Variants in IMMP2L observed in about 807,000 individuals in gnomAD.
IMMP2L encodes the protein mitochondrial inner membrane protease subunit 2.
A neutral mutation model predicts 19.3 loss-of-function variants in IMMP2L; 18 were observed. The observed-to-expected ratio is 0.93, with a 90% confidence interval of 0.64 to 1.38. The LOEUF is 1.38. IMMP2L is among the 40% of genes most tolerant of loss of function. The pLI, the probability that IMMP2L is intolerant of heterozygous loss-of-function variation, is 0.00. For synonymous variants in IMMP2L, 76 were observed against 73.0 expected, an observed-to-expected ratio of 1.04 and a Z score of -0.21; for missense variants, 233 against 218.2, an observed-to-expected ratio of 1.07 and a Z score of -0.43.
intron 3 of IMMP2L, chr7:111,124,735 T>A: frequency 6.2e-7 from 1 of 1,613,938 alleles, no homozygotes; most frequent in Non-Finnish European, 8.5e-7. Flanking sequence ...AGAAATGAAC[T>A]GTGATGGTGG....
At chr7:111,268,768 T>G (rs1368492517) in intron 3 of IMMP2L, among the ~76,000 whole-genome samples, 1 of 151,324 alleles carries the variant, frequency 6.6e-6, no homozygotes, top group Non-Finnish European at 1.5e-5. Flanking sequence ...TAATTTTAAT[T>G]TTTCTATTTT....
chr7:111,101,015 C>T (rs1797911813), intron 3 of IMMP2L, among the ~76,000 whole-genome samples: 1 of 151,318 alleles, frequency 6.6e-6, no homozygotes, highest in Admixed American at 6.6e-5. Flanking sequence ...AAGAATTTTT[C>T]CTGTCCAGAA....
intron 4 of IMMP2L, among the ~76,000 whole-genome samples, chr7:110,934,167 C>T (rs1026292349): frequency 6.6e-6 from 1 of 152,136 alleles, no homozygotes; most frequent in Non-Finnish European, 1.5e-5. Flanking sequence ...GTTTCTTAAT[C>T]CTGAGTCCTA....
intron 5 of IMMP2L, among the ~76,000 whole-genome samples, chr7:110,706,401 G>C (rs1794682362): frequency 6.6e-6 from 1 of 152,178 alleles, no homozygotes. Context: ...ACTATGTCCA[G>C]CAGTAGTTCT....
rs528606752 is a variant in IMMP2L, at chr7:110,974,973, A to G, written c.240-11408T>C. On this transcript the variant is annotated intron_variant, in intron 3 of 5. Coordinates refer to ENST00000405709, the MANE Select transcript of IMMP2L (RefSeq NM_032549.4). ...CCTTATAATTCCAGTCTTTAAAAAT[A>G]TAAATGCAATGTTCAGAGGAGTCCT... Among the ~76,000 whole-genome samples, 15 of 152,256 alleles carry G rather than the reference A, an allele frequency of 9.9e-5. No individual in the cohort carries two copies. The East Asian group carries it at 2.9e-3, about 29-fold the overall frequency.
intron 1 of IMMP2L, among the ~76,000 whole-genome samples, chr7:111,522,591 T>C (rs1846440007): frequency 6.6e-6 from 1 of 151,858 alleles, no homozygotes; most frequent in African/African-American, 2.4e-5. Context: ...CAAAACCACA[T>C]GGATATCATT....
intron 3 of IMMP2L, among the ~76,000 whole-genome samples, chr7:111,484,638 T>C (rs1043976407): frequency 2.0e-5 from 3 of 152,130 alleles, no homozygotes; most frequent in Non-Finnish European, 2.9e-5. Flanking sequence ...TGATGCATTG[T>C]ATAAGAAAAG....
At chr7:111,094,665 G>A (rs145424495) in intron 3 of IMMP2L, among the ~76,000 whole-genome samples, 1 of 152,242 alleles carries the variant, frequency 6.6e-6, no homozygotes, top group Non-Finnish European at 1.5e-5. Flanking sequence ...TATAACAACT[G>A]AACATAGCTC....
intron 5 of IMMP2L, among the ~76,000 whole-genome samples, chr7:110,733,117 T>G (rs1796380954): frequency 6.6e-6 from 1 of 152,134 alleles, no homozygotes; most frequent in South Asian, 2.1e-4. Flanking sequence ...TAAGATTGGA[T>G]TAGTTGCAAA....
At chr7:111,048,238 C>CAAAAAAA (rs575701337) in intron 3 of IMMP2L, among the ~76,000 whole-genome samples, 17 of 18,332 alleles carry the variant, frequency 9.3e-4, no homozygotes, top group African/African-American at 1.9e-3. Flanking sequence ...GACTCTGTCT[C>CAAAAAAA]AAAAAAAAAA....
At chr7:111,388,761 G>C (rs1330503275) in intron 3 of IMMP2L, among the ~76,000 whole-genome samples, 1 of 152,000 alleles carries the variant, frequency 6.6e-6, no homozygotes, top group East Asian at 1.9e-4. Context: ...AATAGCACAG[G>C]AAAGACCGGC....
intron 5 of IMMP2L, among the ~76,000 whole-genome samples, chr7:110,819,917 T>C (rs545611831): frequency 6.6e-6 from 1 of 152,234 alleles, no homozygotes; most frequent in African/African-American, 2.4e-5. Flanking sequence ...TCTCTATATC[T>C]TTTAAACAAT....
intron 3 of IMMP2L, among the ~76,000 whole-genome samples, chr7:111,035,648 T>C (rs1791266984): frequency 6.6e-6 from 1 of 152,220 alleles, no homozygotes; most frequent in Admixed American, 6.5e-5. Context: ...TATGGCTAGA[T>C]ACTTTCAAAT....
At chr7:110,742,243 G>A (rs556231263) in intron 5 of IMMP2L, among the ~76,000 whole-genome samples, 1 of 152,158 alleles carries the variant, frequency 6.6e-6, no homozygotes, top group South Asian at 2.1e-4. Context: ...TGTGTTTATA[G>A]CAACATTTCT....
chr7:111,297,836 T>C (rs1466500098), intron 3 of IMMP2L, among the ~76,000 whole-genome samples: 1 of 152,058 alleles, frequency 6.6e-6, no homozygotes, highest in Non-Finnish European at 1.5e-5. Context: ...AGTCCATTTA[T>C]ACAAAATCTA....
intron 5 of IMMP2L, among the ~76,000 whole-genome samples, chr7:110,691,518 A>C (rs1793504377): frequency 6.6e-6 from 1 of 152,180 alleles, no homozygotes; most frequent in Non-Finnish European, 1.5e-5. Flanking sequence ...ATTAGACTAA[A>C]CAGACAAACC....
intron 2 of IMMP2L, among the ~76,000 whole-genome samples, chr7:111,494,253 G>T (rs1416172788): frequency 6.6e-6 from 1 of 152,090 alleles, no homozygotes; most frequent in Non-Finnish European, 1.5e-5. Context: ...GTATTTGATT[G>T]TATCAGATAT....
At chr7:110,848,883 C>T (rs1361364813) in intron 5 of IMMP2L, among the ~76,000 whole-genome samples, 3 of 151,932 alleles carry the variant, frequency 2.0e-5, no homozygotes, top group Non-Finnish European at 4.4e-5. Flanking sequence ...ACTATTATGA[C>T]AGTAAAAAGA....
intron 4 of IMMP2L, among the ~76,000 whole-genome samples, chr7:110,889,956 T>C (rs1258310888): frequency 6.6e-6 from 1 of 152,206 alleles, no homozygotes; most frequent in Non-Finnish European, 1.5e-5. Context: ...TGAGTATAGT[T>C]CTGATGTATA....
Sources: gnomAD v4.1 joint callset for allele counts (sites outside exome capture counted in the v4.1 genomes callset) on GRCh38, gnomAD v4.1.1 for gene constraint, MANE v1.5 for transcripts, NCBI Gene and HGNC (gene_info 2026-07-23, HGNC 2026-07-21) for gene names.